ALG5: variants seen among roughly 807,000 people sequenced by gnomAD.
ALG5 encodes the protein dolichyl-phosphate beta-glucosyltransferase.
A neutral mutation model predicts 51.8 loss-of-function variants in ALG5; 26 were observed. The observed-to-expected ratio is 0.50, with a 90% CI of 0.37 to 0.70. The LOEUF (loss-of-function observed/expected upper bound fraction) is 0.70, where lower values mean the gene tolerates loss of function less well. ALG5 is among the 30% of genes least tolerant of loss of function. The probability of loss-of-function intolerance (pLI) is 0.00; values close to 1 mark genes in which losing one functional copy is unlikely to be tolerated. For synonymous variants in ALG5, 141 were observed against 136.1 expected, an observed-to-expected ratio of 1.04 and a Z score of -0.25; for missense variants, 311 against 399.3, an observed-to-expected ratio of 0.78 and a Z score of 1.88.
chr13:36,954,574 T>C (rs908756502), intron 8 of ALG5, among the ~76,000 whole-genome samples: 2 of 152,190 alleles, frequency 1.3e-5, no homozygotes, highest in Admixed American at 6.5e-5. Flanking sequence ...CATATCATCA[T>C]ATTATAAGTG....
At chr13:36,982,047 C>A (rs771089236) in intron 6 of ALG5, among the ~76,000 whole-genome samples, 5 of 152,132 alleles carry the variant, frequency 3.3e-5, no homozygotes, top group African/African-American at 9.7e-5. Flanking sequence ...GCTGAGATTG[C>A]GCCACTGCAC....
chr13:36,961,415 AC>A (rs1253121037), intron 8 of ALG5, among the ~76,000 whole-genome samples: 1 of 152,186 alleles, frequency 6.6e-6, no homozygotes, highest in Non-Finnish European at 1.5e-5. Flanking sequence ...AACACTAACA[AC>A]AAAAAACAAA....
intron 7 of ALG5, among the ~76,000 whole-genome samples, chr13:36,968,803 G>A (rs1250099679): frequency 6.6e-6 from 1 of 152,230 alleles, no homozygotes. Flanking sequence ...AAGCCATGCT[G>A]CAGTTTTCTA....
At chr13:36,994,919 T>G (rs1419325855) in intron 3 of ALG5, 70 bp downstream of exon 3, 15 of 1,372,020 alleles carry the variant, frequency 1.1e-5, no homozygotes, top group Non-Finnish European at 1.5e-5. Context: ...GCATCTGGCT[T>G]GGGGTCCACA....
chr13:36,977,933 C>G (rs2058961126), intron 6 of ALG5, among the ~76,000 whole-genome samples: 1 of 144,494 alleles, frequency 6.9e-6, no homozygotes, highest in African/African-American at 2.5e-5. Context: ...GTTGCCCAGG[C>G]TGGAGTACAG....
intron 5 of ALG5, among the ~76,000 whole-genome samples, chr13:36,986,073 T>G (rs2059000565): frequency 6.6e-6 from 1 of 152,170 alleles, no homozygotes; most frequent in Admixed American, 6.5e-5. Context: ...ATATTATATG[T>G]TTATCGTGTC....
intron 6 of ALG5, 125 bp from the exon 7 acceptor site, chr13:36,972,161 A>G (rs942073206): frequency 1.9e-5 from 15 of 805,690 alleles, no homozygotes; most frequent in Non-Finnish European, 2.7e-5. Context: ...AAATCTTTTA[A>G]AGGTTTATTG....
chr13:36,957,309 G>C (rs1211633815), intron 8 of ALG5, among the ~76,000 whole-genome samples: 1 of 151,328 alleles, frequency 6.6e-6, no homozygotes, highest in Non-Finnish European at 1.5e-5. Context: ...AGGGATTTCA[G>C]TATCTACTAG....
intron 6 of ALG5, among the ~76,000 whole-genome samples, chr13:36,975,289 CTTTAAA>C (rs572380262): frequency 1.2e-3 from 178 of 152,352 alleles, no homozygotes; most frequent in African/African-American, 4.0e-3. Flanking sequence ...CTCCCGACCT[CTTTAAA>C]TTTTTTTCTT....
chr13:36,956,150 T>C (rs1243905717), intron 8 of ALG5, among the ~76,000 whole-genome samples: 1 of 152,010 alleles, frequency 6.6e-6, no homozygotes, highest in Non-Finnish European at 1.5e-5. Context: ...CTCAACTCCA[T>C]AGAAAGAAAA....
rs564686540 is a variant in ALG5 at position 36,989,174 on chromosome 13, A to G, written c.447+310T>C. ...CTTCATCAAGGTAAAACTTAATACA[A>G]AAAACATTTTTTAAACTGCAAAAAA... On this transcript the variant is annotated intron_variant, in intron 5 of 9. Coordinates refer to ENST00000239891, the MANE Select transcript of ALG5 (RefSeq NM_013338.5). 7.2e-5 allele frequency among the ~76,000 whole-genome samples: 11 copies of G among 152,316 alleles called. No individual in the cohort carries two copies. In the South Asian group the frequency reaches 2.3e-3, roughly 32 times the overall value.
chr13:36,951,238 C>A (rs1211900593), intron 9 of ALG5, among the ~76,000 whole-genome samples: 1 of 152,036 alleles, frequency 6.6e-6, no homozygotes, highest in African/African-American at 2.4e-5. Context: ...TCTAGGTTGG[C>A]CAAAGATCAA....
chr13:36,981,763 T>C (rs2058980444), intron 6 of ALG5, among the ~76,000 whole-genome samples: 1 of 151,904 alleles, frequency 6.6e-6, no homozygotes, highest in Non-Finnish European at 1.5e-5. Flanking sequence ...CAGTGGAAAA[T>C]TATAAGAAAA....
At chr13:36,990,243 C>G (rs532692347) in intron 4 of ALG5, among the ~76,000 whole-genome samples, 1 of 152,332 alleles carries the variant, frequency 6.6e-6, no homozygotes, top group South Asian at 2.1e-4. Context: ...TATTTGCCAC[C>G]TGCATTTCAT....
chr13:36,975,558 C>A (rs1027186311), intron 6 of ALG5, among the ~76,000 whole-genome samples: 1 of 152,086 alleles, frequency 6.6e-6, no homozygotes, highest in Non-Finnish European at 1.5e-5. Context: ...TACAGATTTA[C>A]CATTACTTTG....
At chr13:36,993,743 T>A in intron 3 of ALG5, 71 bp from the exon 4 acceptor site, 1 of 1,290,550 alleles carries the variant, frequency 7.7e-7, no homozygotes, top group Non-Finnish European at 1.1e-6. Context: ...AAATCACCAG[T>A]AATTTAAAAA....
At chr13:36,984,043 TA>T (rs1566065432) in intron 6 of ALG5, among the ~76,000 whole-genome samples, 1 of 152,026 alleles carries the variant, frequency 6.6e-6, no homozygotes, top group African/African-American at 2.4e-5. Context: ...ATTTCATTCA[TA>T]GATAGTTTTA....
At chr13:36,963,830 T>C (rs9594181) in intron 8 of ALG5, among the ~76,000 whole-genome samples, 138,113 of 152,210 alleles carry the variant, frequency 0.91, 62,839 homozygotes, top group East Asian at 1. Context: ...AAAATGGACA[T>C]ATACTGGCAT....
At position 36,955,494 on chromosome 13, in the gene ALG5, C is replaced by CA. The variant is rs967739412; in HGVS notation, c.774-2896dup. Among the ~76,000 whole-genome samples the CA allele has an allele frequency of 3.4e-4, 50 of 145,314 alleles. 1 individual carries two copies. The highest frequency in any genetic ancestry group is 1.0e-3 in the African/African-American group (40 of 39,584). ...TTTTTAAAAAGTTAATACTGAAAAACAAAAAAAAAGAGTTCTAGGAAATTA... is the reference window on the plus strand; with the variant it reads ...TTTTTAAAAAGTTAATACTGAAAAACAAAAAAAAAAGAGTTCTAGGAAATTA... On this transcript the variant is annotated intron_variant, in intron 8 of 9. Coordinates refer to ENST00000239891, the MANE Select transcript of ALG5 (RefSeq NM_013338.5).
Sources: gnomAD v4.1 joint callset for allele counts (sites outside exome capture counted in the v4.1 genomes callset) on GRCh38, gnomAD v4.1.1 for gene constraint, MANE v1.5 for transcripts, NCBI Gene and HGNC (gene_info 2026-07-23, HGNC 2026-07-21) for gene names.